RAP1GDS1: variants seen among roughly 807,000 people sequenced by gnomAD.
The protein encoded by RAP1GDS1 is RAP1, GTP-GDP dissociation stimulator 1.
In RAP1GDS1, 35 loss-of-function variants were observed where a neutral mutation model predicts 71.1. The ratio of observed to expected loss-of-function variants is 0.49; its 90% confidence interval spans 0.38 to 0.65. The LOEUF (loss-of-function observed/expected upper bound fraction) is 0.65. Among genes scored for constraint, RAP1GDS1 ranks in the 30% least tolerant of loss-of-function variants. The pLI is 0.00. For missense variants in RAP1GDS1, 663 were observed against 706.1 expected, an observed-to-expected ratio of 0.94 and a Z score of 0.69; for synonymous variants, 229 against 243.1, an observed-to-expected ratio of 0.94 and a Z score of 0.54.
At position 98,388,857 on chromosome 4, in the gene RAP1GDS1, A is replaced by G. The variant is rs116226835; in HGVS notation, c.509-3095A>G. On this transcript the variant is annotated intron_variant, in intron 5 of 14. Coordinates refer to ENST00000408927, the MANE Select transcript of RAP1GDS1 (RefSeq NM_001100427.2). ...TTATGTATTTGGGTTATGTCTGTCA[A>G]TATTTACTGAATTAGAAATTTAAAT... is the stretch of plus-strand genomic sequence containing the variant. Among the ~76,000 whole-genome samples, 410 of 150,526 alleles carry G rather than the reference A, an allele frequency of 2.7e-3. 1 individual carries two copies. The highest frequency in any genetic ancestry group is 9.9e-3 in the African/African-American group (396 of 40,184).
chr4:98,364,861 C>G (rs1244180720), intron 4 of RAP1GDS1, among the ~76,000 whole-genome samples: 1 of 151,882 alleles, frequency 6.6e-6, no homozygotes, highest in African/African-American at 2.4e-5. Context: ...GATCCCATCT[C>G]TACAAAAAAG....
intron 4 of RAP1GDS1, among the ~76,000 whole-genome samples, chr4:98,365,864 A>G (rs779938570): frequency 2.0e-5 from 3 of 152,178 alleles, no homozygotes; most frequent in African/African-American, 7.2e-5. Flanking sequence ...TTTAAGTGAA[A>G]TAAAACGGGG....
intron 12 of RAP1GDS1, among the ~76,000 whole-genome samples, chr4:98,422,851 C>T (rs1030326661): frequency 4.6e-5 from 7 of 152,098 alleles, no homozygotes; most frequent in Non-Finnish European, 1.0e-4. Flanking sequence ...TCACCCAGAC[C>T]ACCCTAAAAG....
intron 14 of RAP1GDS1, among the ~76,000 whole-genome samples, chr4:98,437,745 T>G (rs1477610517): frequency 6.6e-6 from 1 of 151,448 alleles, no homozygotes; most frequent in Non-Finnish European, 1.5e-5. Flanking sequence ...GCTGAGAGAT[T>G]GTGCCACTGT....
intron 2 of RAP1GDS1, among the ~76,000 whole-genome samples, chr4:98,315,738 T>A (rs1041601142): frequency 2.6e-5 from 4 of 151,988 alleles, no homozygotes; most frequent in African/African-American, 9.7e-5. Flanking sequence ...GATTTTTACT[T>A]GAAAAGCAAG....
At chr4:98,275,637 A>C (rs10470952) in intron 1 of RAP1GDS1, among the ~76,000 whole-genome samples, 2 of 152,042 alleles carry the variant, frequency 1.3e-5, no homozygotes, top group African/African-American at 4.8e-5. Flanking sequence ...AATTTTACGT[A>C]GGCAATGGGC....
chr4:98,417,274 G>C, intron 8 of RAP1GDS1, 93 bp from the exon 9 acceptor site: 1 of 1,277,554 alleles, frequency 7.8e-7, no homozygotes, highest in Non-Finnish European at 1.1e-6. Context: ...TTTGTGAGGT[G>C]TGAGTTTCCA....
intron 5 of RAP1GDS1, among the ~76,000 whole-genome samples, chr4:98,386,055 T>TAA: frequency 7.0e-6 from 1 of 143,702 alleles, no homozygotes. Context: ...TAGTCCTCTT[T>TAA]AAAAAAAAAA....
intron 4 of RAP1GDS1, among the ~76,000 whole-genome samples, chr4:98,368,768 C>G (rs1739908753): frequency 6.6e-6 from 1 of 151,984 alleles, no homozygotes; most frequent in Non-Finnish European, 1.5e-5. Context: ...TTCTGTAGCT[C>G]TGTTGATTTT....
At chr4:98,263,826 G>T (rs896603296) in intron 1 of RAP1GDS1, among the ~76,000 whole-genome samples, 1 of 152,212 alleles carries the variant, frequency 6.6e-6, no homozygotes, top group African/African-American at 2.4e-5. Flanking sequence ...AGCAGAAACA[G>T]AAAGGTATAA....
At chr4:98,323,872 A>G (rs1483856005) in intron 2 of RAP1GDS1, among the ~76,000 whole-genome samples, 7 of 145,506 alleles carry the variant, frequency 4.8e-5, no homozygotes, top group African/African-American at 1.0e-4. Flanking sequence ...CAAGACAGGG[A>G]TGCCCTCTCT....
At chr4:98,313,822 G>C (rs1730592417) in intron 2 of RAP1GDS1, among the ~76,000 whole-genome samples, 1 of 152,120 alleles carries the variant, frequency 6.6e-6, no homozygotes. Flanking sequence ...ACTCCATCCT[G>C]AGCAACAGAG....
intron 6 of RAP1GDS1, among the ~76,000 whole-genome samples, chr4:98,394,057 C>CAAAG (rs1376756018): frequency 6.6e-6 from 1 of 152,062 alleles, no homozygotes; most frequent in Non-Finnish European, 1.5e-5. Flanking sequence ...TAGAAGAAAG[C>CAAAG]AAAGATTAAT....
chr4:98,325,443 A>C (rs1378504892), intron 2 of RAP1GDS1, among the ~76,000 whole-genome samples: 1 of 151,816 alleles, frequency 6.6e-6, no homozygotes, highest in Non-Finnish European at 1.5e-5. Flanking sequence ...AATGACTATA[A>C]ATCATGCTGC....
At chr4:98,293,570 A>T (rs537150582) in intron 2 of RAP1GDS1, 55 bp downstream of exon 2, 2 of 1,265,494 alleles carry the variant, frequency 1.6e-6, no homozygotes, top group East Asian at 2.4e-5. Context: ...ATCAGTAGTC[A>T]TTCAGAAACT....
intron 14 of RAP1GDS1, 43 bp downstream of exon 14, chr4:98,437,111 C>A: frequency 2.0e-6 from 3 of 1,500,666 alleles, no homozygotes; most frequent in South Asian, 2.8e-5. Context: ...ACATATGGTT[C>A]ACATTAAATA....
intron 1 of RAP1GDS1, among the ~76,000 whole-genome samples, chr4:98,281,839 T>A (rs10009100): frequency 3.1e-4 from 47 of 152,260 alleles, no homozygotes; most frequent in African/African-American, 1.1e-3. Context: ...ATTTTGTCAA[T>A]GGCCTTTTCT....
intron 1 of RAP1GDS1, among the ~76,000 whole-genome samples, chr4:98,272,428 CAGTT>C (rs1307685888): frequency 6.6e-6 from 1 of 152,042 alleles, no homozygotes; most frequent in Admixed American, 6.6e-5. Flanking sequence ...AAGTGGTAGT[CAGTT>C]GGTGAGAGGT....
intron 2 of RAP1GDS1, among the ~76,000 whole-genome samples, chr4:98,317,017 G>A (rs1024544560): frequency 6.6e-6 from 1 of 152,140 alleles, no homozygotes; most frequent in Non-Finnish European, 1.5e-5. Flanking sequence ...TATGGTTTGG[G>A]AGATTGTGAT....
Sources: gnomAD v4.1 joint callset for allele counts (sites outside exome capture counted in the v4.1 genomes callset) on GRCh38, gnomAD v4.1.1 for gene constraint, MANE v1.5 for transcripts, NCBI Gene and HGNC (gene_info 2026-07-23, HGNC 2026-07-21) for gene names.